The following C12orf54 variants were observed in gnomAD, a reference collection of about 807,000 sequenced individuals.
C12orf54 encodes the protein uncharacterized protein C12orf54.
C12orf54 carries 24 observed loss-of-function variants against 26.4 expected under a neutral mutation model. The ratio of observed to expected loss-of-function variants is 0.91; its 90% CI spans 0.66 to 1.28. The LOEUF (loss-of-function observed/expected upper bound fraction) is 1.28, where lower values mean the gene tolerates loss of function less well. Among genes scored for constraint, C12orf54 ranks in the 50% most tolerant of loss-of-function variants. The pLI, the probability that C12orf54 is intolerant of heterozygous loss-of-function variation, is 0.00. For synonymous variants in C12orf54, 54 were observed against 47.0 expected, an observed-to-expected ratio of 1.15 and a Z score of -0.61; for missense variants, 154 against 150.9, an observed-to-expected ratio of 1.02 and a Z score of -0.11.
the C12orf54 span, among the ~76,000 whole-genome samples, chr12:48,420,434 G>C: frequency 6.6e-6 from 1 of 152,138 alleles, no homozygotes; most frequent in African/African-American, 2.4e-5. Context: ...TAGAAAACTT[G>C]AAGTTGCAAA....
intron 2 of C12orf54, among the ~76,000 whole-genome samples, chr12:48,484,071 T>G (rs933965264): frequency 6.6e-6 from 1 of 152,200 alleles, no homozygotes. Context: ...GGTGCATGCC[T>G]GTAATCCCAT....
At chr12:48,478,228 G>A (rs970629058), upstream of C12orf54, among the ~76,000 whole-genome samples, 6 of 152,108 alleles carry the variant, frequency 3.9e-5, no homozygotes, top group Non-Finnish European at 1.5e-5. Context: ...CAATAAATTA[G>A]GTATTGATGG....
At chr12:48,451,236 T>A in the C12orf54 span, among the ~76,000 whole-genome samples, 3 of 151,924 alleles carry the variant, frequency 2.0e-5, no homozygotes, top group African/African-American at 7.3e-5. Flanking sequence ...AAAAACCACA[T>A]GATTATCTCA....
chr12:48,466,124 A>T, the C12orf54 span, among the ~76,000 whole-genome samples: 1 of 152,210 alleles, frequency 6.6e-6, no homozygotes, highest in East Asian at 1.9e-4. Context: ...AACAATTGCA[A>T]TTCACATATA....
chr12:48,429,118 C>G, the C12orf54 span, among the ~76,000 whole-genome samples: 2 of 151,820 alleles, frequency 1.3e-5, no homozygotes, highest in African/African-American at 4.8e-5. Context: ...AATCCAGCAC[C>G]CCTTTATGAT....
the C12orf54 span, among the ~76,000 whole-genome samples, chr12:48,475,475 G>A: frequency 1.3e-5 from 2 of 152,004 alleles, no homozygotes; most frequent in Non-Finnish European, 2.9e-5. Context: ...TGAACCAATG[G>A]CAAAGAAGTT....
At chr12:48,417,285 A>T in the C12orf54 span, 1 of 152,258 alleles carries the variant, frequency 6.6e-6, no homozygotes, top group African/African-American at 2.4e-5. Context: ...TATGGCTGTT[A>T]GTAGACACCC....
chr12:48,437,332 G>T, the C12orf54 span, among the ~76,000 whole-genome samples: 1 of 152,182 alleles, frequency 6.6e-6, no homozygotes, highest in Non-Finnish European at 1.5e-5. Context: ...ACAAGAAGGA[G>T]CTGGTACCCT....
chr12:48,486,180 C>T lies in C12orf54; in HGVS notation c.68C>T (p.Thr23Ile), dbSNP rs974990887. 1 of 1,610,738 alleles carries T rather than the reference C, an allele frequency of 6.2e-7. No individual in the cohort carries two copies. Among genetic ancestry groups the T allele is most frequent in the African/African-American group, 1.3e-5 (1 of 74,868 alleles). The change falls in exon 3 of 9, where the codon ACA (threonine) becomes ATA (isoleucine). Residue 23 changes from threonine (T) to isoleucine (I), a missense_variant and splice_region_variant. Coordinates refer to ENST00000548364, the MANE Select transcript of C12orf54 (RefSeq NM_152319.4). The part of the protein sequence containing the change: ...VEMTSKQQRS[T>I]SIEETMRPQE... ...TTTATATCATTCTTTCTTTGCAGCA[C>T]ATCCATAGAAGAGACAATGAGACCA...
intron 7 of C12orf54, 56 bp downstream of exon 7, chr12:48,493,051 G>T (rs941956560): frequency 1.9e-5 from 29 of 1,492,178 alleles, no homozygotes; most frequent in Non-Finnish European, 2.6e-5. Context: ...CTGGATATGG[G>T]TGTGCTGGCC....
At chr12:48,437,482 C>A in the C12orf54 span, among the ~76,000 whole-genome samples, 2 of 152,310 alleles carry the variant, frequency 1.3e-5, no homozygotes, top group African/African-American at 4.8e-5. Flanking sequence ...CCTTGATGAA[C>A]ATTGATGCAA....
chr12:48,469,933 G>A, the C12orf54 span, among the ~76,000 whole-genome samples: 1 of 152,156 alleles, frequency 6.6e-6, no homozygotes, highest in Non-Finnish European at 1.5e-5. Flanking sequence ...CCACAGGTGA[G>A]AACATGAAGT....
chr12:48,475,988 G>T, the C12orf54 span, among the ~76,000 whole-genome samples: 1 of 151,660 alleles, frequency 6.6e-6, no homozygotes, highest in African/African-American at 2.4e-5. Flanking sequence ...GTTAAGGGCA[G>T]CCAGAGAGAA....
the C12orf54 span, among the ~76,000 whole-genome samples, chr12:48,433,258 C>G: frequency 6.6e-6 from 1 of 152,182 alleles, no homozygotes; most frequent in Non-Finnish European, 1.5e-5. Flanking sequence ...AGTGCTTGTG[C>G]GTTCATGGAC....
the C12orf54 span, among the ~76,000 whole-genome samples, chr12:48,439,548 C>T: frequency 1.3e-5 from 2 of 152,172 alleles, no homozygotes; most frequent in South Asian, 4.1e-4. Flanking sequence ...CACATATACA[C>T]CATGGAATAC....
chr12:48,457,028 T>C, the C12orf54 span, among the ~76,000 whole-genome samples: 93 of 152,282 alleles, frequency 6.1e-4, no homozygotes, highest in Middle Eastern at 3.4e-3. Context: ...TCTAGATACT[T>C]TGTAGCTCCT....
chr12:48,438,053 A>G, the C12orf54 span, among the ~76,000 whole-genome samples: 72 of 151,626 alleles, frequency 4.7e-4, no homozygotes, highest in Non-Finnish European at 8.8e-4. Flanking sequence ...ACTTCAGCAA[A>G]GTCTCAGGAT....
the C12orf54 span, among the ~76,000 whole-genome samples, chr12:48,474,467 G>A: frequency 1.2e-4 from 18 of 152,210 alleles, no homozygotes; most frequent in African/African-American, 3.9e-4. Flanking sequence ...GGAAGTGCAA[G>A]GGGTCAGGGA....
At chr12:48,432,298 C>A in the C12orf54 span, among the ~76,000 whole-genome samples, 1 of 152,066 alleles carries the variant, frequency 6.6e-6, no homozygotes, top group African/African-American at 2.4e-5. Flanking sequence ...AAAAGAGAAA[C>A]AACCGTAGTC....
Sources: gnomAD v4.1 joint callset for allele counts (sites outside exome capture counted in the v4.1 genomes callset) on GRCh38, gnomAD v4.1.1 for gene constraint, MANE v1.5 for transcripts, NCBI Gene and HGNC (gene_info 2026-07-23, HGNC 2026-07-21) for gene names.